The following ANKRD62 variants were observed in gnomAD, a reference collection of about 807,000 sequenced individuals.
ANKRD62 encodes the protein ankyrin repeat domain 62.
In ANKRD62, 61 loss-of-function variants were observed where a neutral mutation model predicts 98.8. The ratio of observed to expected loss-of-function variants is 0.62; its 90% CI spans 0.50 to 0.76. The LOEUF (loss-of-function observed/expected upper bound fraction) is 0.76, where lower values mean the gene tolerates loss of function less well. Among genes scored for constraint, ANKRD62 ranks in the 30% least tolerant of loss-of-function variants. The pLI, the probability that ANKRD62 is intolerant of heterozygous loss-of-function variation, is 0.00. For missense variants in ANKRD62, 933 were observed against 1,082.9 expected (o/e 0.86, Z 1.94); for synonymous variants, 341 against 367.9 (o/e 0.93, Z 0.84).
the ANKRD62 span, among the ~76,000 whole-genome samples, chr18:12,138,078 C>T: frequency 6.6e-6 from 1 of 151,930 alleles, no homozygotes; most frequent in Non-Finnish European, 1.5e-5. Flanking sequence ...TATTTCTTGC[C>T]TTCTGCTAGC....
chr18:12,119,208 T>A (rs1909732610), intron 10 of ANKRD62, among the ~76,000 whole-genome samples: 1 of 152,188 alleles, frequency 6.6e-6, no homozygotes, highest in Non-Finnish European at 1.5e-5. Context: ...TTTGTATCTG[T>A]ACAGTCTGTA....
At chr18:12,158,690 A>ATTT in the ANKRD62 span, among the ~76,000 whole-genome samples, 302 of 132,392 alleles carry the variant, frequency 2.3e-3, 4 homozygotes, top group African/African-American at 8.0e-3. Flanking sequence ...TGCCTGGCTA[A>ATTT]TTTTTTTTTT....
chr18:12,115,172 G>T, intron 9 of ANKRD62, 51 bp downstream of exon 9: 1 of 1,361,254 alleles, frequency 7.3e-7, no homozygotes, highest in East Asian at 2.6e-5. Flanking sequence ...CCTTAAAAAA[G>T]ATCATGGTAA....
At chr18:12,139,054 G>C in the ANKRD62 span, among the ~76,000 whole-genome samples, 16,422 of 152,128 alleles carry the variant, frequency 0.11, 1,259 homozygotes, top group Non-Finnish European at 0.15. Flanking sequence ...TTTAAGGTTA[G>C]TATTGTTATG....
chr18:12,112,191 A>T (rs912897132), intron 8 of ANKRD62, among the ~76,000 whole-genome samples: 1 of 152,060 alleles, frequency 6.6e-6, no homozygotes, highest in African/African-American at 2.4e-5. Context: ...ACTACCATTG[A>T]CATTCTTTAC....
At chr18:12,123,554 A>G (rs993406258) in intron 11 of ANKRD62, among the ~76,000 whole-genome samples, 9 of 152,242 alleles carry the variant, frequency 5.9e-5, no homozygotes, top group African/African-American at 1.9e-4. Flanking sequence ...AATACATACT[A>G]ATCAACAGAA....
chr18:12,133,095 T>C (rs1910030053), downstream of ANKRD62, among the ~76,000 whole-genome samples: 1 of 152,180 alleles, frequency 6.6e-6, no homozygotes, highest in Non-Finnish European at 1.5e-5. Flanking sequence ...TCTTCATCCC[T>C]AGTAACCTGT....
rs151186559 is a variant in ANKRD62, at chr18:12,112,264, C to A, written c.1065-2824C>A. Among the ~76,000 whole-genome samples, 80 of 152,230 alleles carry A rather than the reference C, an allele frequency of 5.3e-4. No homozygotes were observed. The East Asian group carries it at 0.014, about 27-fold the overall frequency. ...CAGAAAAGGGTGTGAATAGCCAAGG[C>A]AGTCCTCAGCAAAAAGAACAAAGCT... is the stretch of plus-strand genomic sequence containing the variant. On this transcript the variant is annotated intron_variant, in intron 8 of 13. Transcript: ENST00000587848.
Position 12,126,176 on chromosome 18 carries a change from G to C in ANKRD62, c.2355G>C (p.Leu785Phe). ...TTCAACTACAAAGCCAAAATCTGTT[G>C]TATCAACAGCAGTGTAATGATGCTC... is the stretch of plus-strand genomic sequence containing the variant. ...GLFQLQSQNL[L>F]YQQQCNDARK... The change falls in exon 13 of 14, where the codon TTG (leucine) becomes TTC (phenylalanine). Residue 785 changes from leucine to phenylalanine, a missense_variant. This residue lies in a region of ANKRD62 where 362 missense variants were observed against 434.5 expected (regional missense o/e 0.83). Transcript: ENST00000587848. 1 of 1,536,060 alleles carries C rather than the reference G, an allele frequency of 6.5e-7. No homozygotes were observed. Among genetic ancestry groups the C allele is most frequent in the Non-Finnish European group, 8.7e-7 (1 of 1,146,850 alleles).
intron 12 of ANKRD62, among the ~76,000 whole-genome samples, chr18:12,124,718 GA>G (rs1271839610): frequency 4.3e-4 from 1 of 2,330 alleles, no homozygotes; most frequent in Non-Finnish European, 1.6e-3. Context: ...TATCTTCTTT[GA>G]GTTTTGAAAG....
intron 6 of ANKRD62, chr18:12,102,348 CG>C (rs1255041371): frequency 4.6e-6 from 3 of 657,490 alleles, no homozygotes; most frequent in Admixed American, 4.0e-5. Flanking sequence ...CCACACCATT[CG>C]GGGGTAGGTC....
chr18:12,126,465 T>A (rs554156007), intron 13 of ANKRD62, 82 bp downstream of exon 13: 4 of 1,110,228 alleles, frequency 3.6e-6, no homozygotes, highest in Non-Finnish European at 5.0e-6. Flanking sequence ...AAACACTGAA[T>A]CTAGTTGAAT....
In ANKRD62 at chr18:12,126,305, C is replaced by G. The variant is rs184779835; in HGVS notation, c.2484C>G (p.Asn828Lys). 3,546 of 1,534,668 alleles carry G rather than the reference C, an allele frequency of 2.3e-3. 9 individuals carry two copies. Among genetic ancestry groups the G allele is most frequent in the Non-Finnish European group, 2.7e-3 (3,111 of 1,146,368 alleles). The change falls in exon 13 of 14, where the codon AAC (asparagine) becomes AAG (lysine). Residue 828 changes from asparagine to lysine, a missense_variant. Asn to Lys is a moderately conservative substitution (Grantham distance 94, BLOSUM62 0). This residue lies in a region of ANKRD62 where 362 missense variants were observed against 434.5 expected (regional missense o/e 0.83). Transcript: ENST00000587848. ...CTGAGTGTAGAAAGCTAGAAGAGAA[C>G]AATAAGGGGTTGATGAAGGAATGCA... ...LQAECRKLEENNKGLMKECTL... is the reference protein window; with the variant it reads ...LQAECRKLEEKNKGLMKECTL...
the ANKRD62 span, among the ~76,000 whole-genome samples, chr18:12,152,625 A>G: frequency 6.6e-6 from 1 of 152,232 alleles, no homozygotes; most frequent in Non-Finnish European, 1.5e-5. Flanking sequence ...AGCCAAGATC[A>G]TACTGAATGG....
chr18:12,164,454 G>A, the ANKRD62 span, among the ~76,000 whole-genome samples: 1 of 151,194 alleles, frequency 6.6e-6, no homozygotes, highest in Admixed American at 6.6e-5. Context: ...ACAACTTTTT[G>A]TTTAATCTTT....
chr18:12,159,344 G>C, the ANKRD62 span, among the ~76,000 whole-genome samples: 3 of 152,088 alleles, frequency 2.0e-5, no homozygotes, highest in Non-Finnish European at 4.4e-5. Context: ...CCTTCATTCT[G>C]TTCTATCCTG....
the ANKRD62 span, among the ~76,000 whole-genome samples, chr18:12,156,945 G>A: frequency 3.3e-5 from 5 of 151,834 alleles, no homozygotes; most frequent in Non-Finnish European, 5.9e-5. Context: ...TCACTCTCTC[G>A]CTCTCTCTCG....
At chr18:12,097,082 T>C (rs1909197629) in intron 4 of ANKRD62, among the ~76,000 whole-genome samples, 1 of 152,188 alleles carries the variant, frequency 6.6e-6, no homozygotes, top group East Asian at 1.9e-4. Flanking sequence ...ACCAAGTGTT[T>C]TCCTTTATGA....
At chr18:12,137,725 A>C in the ANKRD62 span, among the ~76,000 whole-genome samples, 1 of 152,164 alleles carries the variant, frequency 6.6e-6, no homozygotes, top group Non-Finnish European at 1.5e-5. Context: ...TCAATTTCAG[A>C]GCCTGCTATT....
Sources: allele counts gnomAD v4.1 joint callset (sites outside exome capture counted in the v4.1 genomes callset), GRCh38; gene constraint gnomAD v4.1.1; regional missense constraint gnomAD v4.1.1; transcripts MANE v1.5; gene names NCBI Gene and HGNC (gene_info 2026-07-23, HGNC 2026-07-21).